WASHC2A: variants seen among roughly 807,000 people sequenced by gnomAD.
The protein encoded by WASHC2A is WASH complex subunit 2A.
Under a neutral mutation model 140.3 loss-of-function variants are expected in WASHC2A, and 82 were observed. The observed-to-expected ratio is 0.58, with a 90% CI of 0.49 to 0.70. WASHC2A has a LOEUF of 0.70. WASHC2A is among the 30% of genes least tolerant of loss of function. WASHC2A has a pLI of 0.00. For missense variants in WASHC2A, 985 were observed against 1,521.8 expected (o/e 0.65, Z 5.87); for synonymous variants, 340 against 560.8 (o/e 0.61, Z 5.56).
Position 50,069,619 on chromosome 10 carries a change from G to C in WASHC2A, c.199G>C (p.Gly67Arg). ...CCATGAAATCAAGAAACAAGTGGAC[G>C]GACTAATTCGGGAAACCAAAGCCAC... ...RTHEIKKQVDGLIRETKATDC... is the reference protein window; with the variant it reads ...RTHEIKKQVDRLIRETKATDC... Residue 67 changes from glycine (G) to arginine (R), a missense_variant, in exon 3 of 31, where the codon GGA (glycine) becomes CGA (arginine). Transcript: ENST00000282633. 1.9e-6 allele frequency: 3 copies of C among 1,613,890 alleles called. No individual in the cohort carries two copies. Among genetic ancestry groups the C allele is most frequent in the Non-Finnish European group, 2.5e-6 (3 of 1,179,852 alleles).
rs1178836288 is a variant in WASHC2A, at chr10:50,131,673, G to C, written c.3886+595G>C. On this transcript the variant is annotated intron_variant, in intron 30 of 30. Transcript: ENST00000282633. ...ATATTGGACTTTTGATAAATCCTGT[G>C]GGCTGAGGCCACATACACATTTCCT... is the stretch of plus-strand genomic sequence containing the variant. Among the ~76,000 whole-genome samples, 570 of 152,262 alleles carry C rather than the reference G, an allele frequency of 3.7e-3. 1 individual carries two copies. The highest frequency in any genetic ancestry group is 6.6e-3 in the Admixed American group (101 of 15,290).
intron 21 of WASHC2A, among the ~76,000 whole-genome samples, chr10:50,116,622 T>A (rs1357740758): frequency 6.6e-6 from 1 of 150,980 alleles, no homozygotes; most frequent in Non-Finnish European, 1.5e-5. Context: ...CTGCACTGAA[T>A]TTTTATGTAG....
At chr10:50,101,896 A>G (rs1841226383) in intron 17 of WASHC2A, among the ~76,000 whole-genome samples, 2 of 151,906 alleles carry the variant, frequency 1.3e-5, no homozygotes, top group African/African-American at 4.8e-5. Flanking sequence ...GGCTCCCAGC[A>G]TGTAGTCAGG....
chr10:50,072,964 A>T (rs184733064), intron 3 of WASHC2A, among the ~76,000 whole-genome samples: 45 of 152,326 alleles, frequency 3.0e-4, no homozygotes, highest in Middle Eastern at 6.8e-3. Context: ...TGCAAACTAT[A>T]TTATAAAGTT....
intron 25 of WASHC2A, 108 bp downstream of exon 25, chr10:50,125,557 T>G: frequency 6.2e-7 from 1 of 1,606,774 alleles, no homozygotes; most frequent in South Asian, 1.1e-5. Context: ...TCGTGCTGCT[T>G]CCTACTAAAT....
intron 18 of WASHC2A, among the ~76,000 whole-genome samples, chr10:50,106,076 G>T (rs1841745793): frequency 6.6e-6 from 1 of 151,554 alleles, no homozygotes; most frequent in African/African-American, 2.4e-5. Context: ...TGTACTTCAT[G>T]ATCTCATTTG....
intron 20 of WASHC2A, among the ~76,000 whole-genome samples, chr10:50,113,403 A>G (rs1842441472): frequency 6.6e-6 from 1 of 151,566 alleles, no homozygotes; most frequent in South Asian, 2.1e-4. Context: ...GGTGAATTTT[A>G]TGGAATGTAA....
chr10:50,095,893 C>T (rs1840457740), intron 15 of WASHC2A, 115 bp downstream of exon 15: 3 of 1,332,442 alleles, frequency 2.3e-6, no homozygotes, highest in Non-Finnish European at 3.1e-6. Flanking sequence ...CCTTCTCCAG[C>T]ATTCCTGTCA....
At chr10:50,068,902 A>G (rs1241572795) in intron 2 of WASHC2A, among the ~76,000 whole-genome samples, 1 of 144,426 alleles carries the variant, frequency 6.9e-6, no homozygotes, top group Non-Finnish European at 1.5e-5. Flanking sequence ...ATTTTAGTAG[A>G]GATGGGGGTC....
intron 17 of WASHC2A, among the ~76,000 whole-genome samples, chr10:50,101,118 A>G (rs1162115977): frequency 1.3e-5 from 2 of 152,308 alleles, no homozygotes; most frequent in Non-Finnish European, 2.9e-5. Flanking sequence ...CCCTTGATGT[A>G]AAGAATACCT....
At chr10:50,075,738 G>A (rs551368705) in intron 3 of WASHC2A, among the ~76,000 whole-genome samples, 21 of 151,838 alleles carry the variant, frequency 1.4e-4, no homozygotes, top group Admixed American at 3.3e-4. Flanking sequence ...GTCTGTTTCT[G>A]CCCTCTGCTG....
At chr10:50,113,626 T>C (rs1842464722) in intron 20 of WASHC2A, among the ~76,000 whole-genome samples, 1 of 147,596 alleles carries the variant, frequency 6.8e-6, no homozygotes, top group Admixed American at 6.8e-5. Context: ...CTTGCAGCGG[T>C]AACAGCTGAT....
At chr10:50,069,201 C>T (rs1554875286) in intron 2 of WASHC2A, among the ~76,000 whole-genome samples, 2 of 151,456 alleles carry the variant, frequency 1.3e-5, no homozygotes, top group Non-Finnish European at 2.9e-5. Flanking sequence ...CCGAGGTGGG[C>T]GAATCACGAG....
chr10:50,076,699 C>T (rs1190638494), intron 3 of WASHC2A, among the ~76,000 whole-genome samples: 7 of 152,036 alleles, frequency 4.6e-5, no homozygotes, highest in South Asian at 2.1e-4. Flanking sequence ...CAGTTTCAGC[C>T]GGGCACAATG....
At chr10:50,094,764 G>T (rs1304051259) in intron 13 of WASHC2A, among the ~76,000 whole-genome samples, 4 of 150,706 alleles carry the variant, frequency 2.7e-5, no homozygotes, top group Non-Finnish European at 4.4e-5. Context: ...ATGTTTTTGC[G>T]GTTCTTTTTC....
At position 50,095,643 on chromosome 10, in the gene WASHC2A, G is replaced by A. The variant is rs1554884473; in HGVS notation, c.1285G>A (p.Glu429Lys). ...TGCTGCCTCCGTTCCATCAATGAAG[G>A]AGCCACAGAAGCCTGAGCAGCCCAC... is the stretch of plus-strand genomic sequence containing the variant. ...FGAASVPSMKEPQKPEQPTPR... is the reference protein window; with the variant it reads ...FGAASVPSMKKPQKPEQPTPR... Residue 429 changes from glutamate to lysine, a missense_variant, in exon 15 of 31, where the codon GAG becomes AAG. By Grantham distance (56) the Glu-to-Lys change is moderately conservative. Coordinates refer to ENST00000282633, the MANE Select transcript of WASHC2A (RefSeq NM_001005751.3). 24 of 1,611,726 alleles carry A rather than the reference G, an allele frequency of 1.5e-5. No homozygotes were observed. The South Asian group carries it at 2.6e-4, about 18-fold the overall frequency.
Position 50,132,789 on chromosome 10 carries a change from C to T in WASHC2A, c.3887-17C>T, listed in dbSNP as rs1292576779. 2.5e-6 allele frequency: 4 copies of T among 1,611,938 alleles called. No homozygotes were observed. The highest frequency in any genetic ancestry group is 3.4e-6 in the Non-Finnish European group (4 of 1,179,872). ...CCACCCCTCTTCAGCAACCGTTCTTCTTTTTTCTTTCTAAAGATGACATCT... is the reference window on the plus strand; with the variant it reads ...CCACCCCTCTTCAGCAACCGTTCTTTTTTTTTCTTTCTAAAGATGACATCT... On this transcript the variant is annotated splice_polypyrimidine_tract_variant and intron_variant, in intron 30 of 30. Transcript: ENST00000282633.
At chr10:50,078,816 G>A (rs1258242242) in intron 4 of WASHC2A, 79 bp downstream of exon 4, 1 of 1,611,682 alleles carries the variant, frequency 6.2e-7, no homozygotes, top group Admixed American at 1.7e-5. Context: ...TGTGGGAACT[G>A]GGGGATGGTG....
rs1841619768 is a variant in WASHC2A at position 50,105,073 on chromosome 10, A to G, written c.1737+930A>G. Among the ~76,000 whole-genome samples, 3 of 152,104 alleles carry G rather than the reference A, an allele frequency of 2.0e-5. No individual in the cohort carries two copies. In the South Asian group the frequency reaches 6.2e-4, roughly 32 times the overall value. On this transcript the variant is annotated intron_variant, in intron 18 of 30. Coordinates refer to ENST00000282633, the MANE Select transcript of WASHC2A (RefSeq NM_001005751.3). ...GACCTGTGCAGCTCAAACCTGTGTC[A>G]TTCAGGGTCAGCTGTACTTTAGTCT...
Sources: allele counts gnomAD v4.1 joint callset (sites outside exome capture counted in the v4.1 genomes callset), GRCh38; gene constraint gnomAD v4.1.1; transcripts MANE v1.5; gene names NCBI Gene and HGNC (gene_info 2026-07-23, HGNC 2026-07-21).